Variants in RNF17 observed in about 807,000 individuals in gnomAD.
RNF17 encodes spermatogenesis associated 23.
Under a neutral mutation model 200.5 loss-of-function variants are expected in RNF17, and 31 were observed. The observed-to-expected ratio is 0.15, with a 90% CI of 0.12 to 0.21. The LOEUF (loss-of-function observed/expected upper bound fraction) is 0.21. Ranked by LOEUF, RNF17 falls within the 10% of genes least tolerant of loss-of-function variation. The probability of loss-of-function intolerance (pLI) is 1.00; values close to 1 mark genes in which losing one functional copy is unlikely to be tolerated. For synonymous variants in RNF17, 606 were observed against 637.8 expected (o/e 0.95, Z 0.75); for missense variants, 1,628 against 1,905.1 (o/e 0.85, Z 2.71).
At chr13:24,885,146 T>C in the RNF17 span, 3 of 678,292 alleles carry the variant, frequency 4.4e-6, no homozygotes, top group Non-Finnish European at 7.8e-6. Context: ...TTTTGCTGAA[T>C]CTCTGAACGA....
the RNF17 span, among the ~76,000 whole-genome samples, chr13:24,754,566 C>T: frequency 6.6e-6 from 1 of 152,064 alleles, no homozygotes; most frequent in Non-Finnish European, 1.5e-5. Context: ...AAAAACAGTC[C>T]TCCCTGTTCC....
At chr13:24,860,648 A>C (rs1351424365) in intron 26 of RNF17, among the ~76,000 whole-genome samples, 1 of 152,196 alleles carries the variant, frequency 6.6e-6, no homozygotes, top group African/African-American at 2.4e-5. Context: ...CTTATCCTTA[A>C]GACAATTTAG....
At chr13:24,812,003 A>G (rs1300236811) in intron 15 of RNF17, among the ~76,000 whole-genome samples, 3 of 151,944 alleles carry the variant, frequency 2.0e-5, no homozygotes, top group African/African-American at 7.2e-5. Context: ...GCCCATTCTC[A>G]GATCTCCAGC....
intron 14 of RNF17, among the ~76,000 whole-genome samples, chr13:24,803,355 T>C (rs1885482592): frequency 6.6e-6 from 1 of 152,216 alleles, no homozygotes; most frequent in Non-Finnish European, 1.5e-5. Flanking sequence ...TAGAGTGCAG[T>C]AGCACAGCCT....
Position 24,869,934 on chromosome 13 carries a change from A to ATTT in RNF17, c.4279-614_4279-612dup, listed in dbSNP as rs34196797. Reference sequence around the variant, plus strand: ...AGGCATGTACTACCATGCCCAGCTAATTTTTTTTTTTTTTTTTTTTTTTTT... The same window carrying ATTT: ...AGGCATGTACTACCATGCCCAGCTAATTTTTTTTTTTTTTTTTTTTTTTTTTTT... On this transcript the variant is annotated intron_variant, in intron 31 of 35. Coordinates refer to ENST00000255324, the MANE Select transcript of RNF17 (RefSeq NM_031277.3). Among the ~76,000 whole-genome samples, 404 of 83,746 alleles carry ATTT rather than the reference A, an allele frequency of 4.8e-3. 1 individual carries two copies. The highest frequency in any genetic ancestry group is 7.2e-3 in the East Asian group (20 of 2,784). 54.9% of individuals were successfully genotyped at this position (83,746 alleles called of 152,430 possible). A position where few individuals can be genotyped will look rare whatever the true frequency, so the allele number is the denominator to read the frequency against.
chr13:24,753,469 G>C, the RNF17 span, among the ~76,000 whole-genome samples: 1 of 152,162 alleles, frequency 6.6e-6, no homozygotes, highest in African/African-American at 2.4e-5. Context: ...GAGGCAGAGG[G>C]GGAACCTTAC....
At chr13:24,866,610 ACTT>A (rs928463679) in intron 30 of RNF17, among the ~76,000 whole-genome samples, 30 of 152,294 alleles carry the variant, frequency 2.0e-4, no homozygotes, top group African/African-American at 7.2e-4. Flanking sequence ...TCAGTGCTTC[ACTT>A]CTTTTTGTTG....
In RNF17 at chr13:24,778,340, A is replaced by G. The variant is rs764340710; in HGVS notation, c.363A>G (p.Leu121=). 8.1e-6 allele frequency: 13 copies of G among 1,613,594 alleles called. No individual in the cohort carries two copies. The South Asian group carries it at 1.1e-4, about 14-fold the overall frequency. The change falls in exon 4 of 36, where the codon CTA becomes CTG. Residue 121 remains leucine, a synonymous_variant. Coordinates refer to ENST00000255324, the MANE Select transcript of RNF17 (RefSeq NM_031277.3). Reference sequence around the variant, plus strand: ...ACTTTAAGAAGACTGCTGATCAGCTAACTACTGGTTTAGAACGTTCAGCCT... The same window carrying G: ...ACTTTAAGAAGACTGCTGATCAGCTGACTACTGGTTTAGAACGTTCAGCCT... The part of the protein sequence containing the change: ...SQDFKKTADQ[L]TTGLERSAST...
At chr13:24,867,499 GTTAC>G (rs1364371958) in intron 30 of RNF17, among the ~76,000 whole-genome samples, 1 of 152,030 alleles carries the variant, frequency 6.6e-6, no homozygotes, top group African/African-American at 2.4e-5. Context: ...TAAATTGCCT[GTTAC>G]TTAAGTTCAA....
the RNF17 span, among the ~76,000 whole-genome samples, chr13:24,753,088 G>T: frequency 2.0e-5 from 3 of 151,920 alleles, no homozygotes; most frequent in South Asian, 6.2e-4. Context: ...TGGGGGATGT[G>T]GCTGATGATA....
At chr13:24,783,709 T>C (rs1175565284) in intron 6 of RNF17, among the ~76,000 whole-genome samples, 1 of 149,620 alleles carries the variant, frequency 6.7e-6, no homozygotes, top group African/African-American at 2.5e-5. Context: ...TTTATATTGA[T>C]TTTTGTGTCC....
chr13:24,770,363 T>A (rs1880489147), intron 2 of RNF17, among the ~76,000 whole-genome samples: 1 of 152,138 alleles, frequency 6.6e-6, no homozygotes, highest in Non-Finnish European at 1.5e-5. Context: ...TTATTATATA[T>A]GTTACAAGTT....
intron 25 of RNF17, among the ~76,000 whole-genome samples, chr13:24,855,010 C>T (rs116362761): frequency 0.01 from 1,590 of 152,192 alleles, 36 homozygotes; most frequent in African/African-American, 0.035. Flanking sequence ...TTATCATTTC[C>T]TGTGTGCGTC....
At chr13:24,855,466 A>ACT (rs1892373805) in intron 25 of RNF17, among the ~76,000 whole-genome samples, 1 of 152,036 alleles carries the variant, frequency 6.6e-6, no homozygotes, top group East Asian at 1.9e-4. Context: ...CATCTCTACT[A>ACT]AAAATACAAA....
intron 16 of RNF17, among the ~76,000 whole-genome samples, chr13:24,828,010 A>G (rs1038468974): frequency 2.6e-5 from 4 of 152,204 alleles, no homozygotes; most frequent in Non-Finnish European, 4.4e-5. Flanking sequence ...AAGTTTCAAC[A>G]TGAATTTTGA....
chr13:24,846,727 T>G (rs1297920113), intron 22 of RNF17, among the ~76,000 whole-genome samples: 1 of 152,188 alleles, frequency 6.6e-6, no homozygotes, highest in Non-Finnish European at 1.5e-5. Context: ...AATCTCATAA[T>G]GTTCTAAGAA....
the RNF17 span, chr13:24,885,394 C>T: frequency 6.3e-7 from 1 of 1,584,616 alleles, no homozygotes; most frequent in South Asian, 1.1e-5. Flanking sequence ...AGCCTGTAAG[C>T]ACAACACATT....
At chr13:24,775,686 C>G (rs1272052484) in intron 3 of RNF17, among the ~76,000 whole-genome samples, 1 of 152,136 alleles carries the variant, frequency 6.6e-6, no homozygotes, top group Non-Finnish European at 1.5e-5. Flanking sequence ...TTGTATAAGA[C>G]TTTATACATG....
intron 15 of RNF17, among the ~76,000 whole-genome samples, chr13:24,811,550 T>G (rs1386308976): frequency 6.6e-6 from 1 of 151,966 alleles, no homozygotes; most frequent in Non-Finnish European, 1.5e-5. Context: ...CTTCTAAATT[T>G]TTTTCAAAGT....
Sources: allele counts gnomAD v4.1 joint callset (sites outside exome capture counted in the v4.1 genomes callset), GRCh38; gene constraint gnomAD v4.1.1; transcripts MANE v1.5; gene names NCBI Gene and HGNC (gene_info 2026-07-23, HGNC 2026-07-21).